Variants in TG observed in about 807,000 individuals in gnomAD.
The protein encoded by TG is thyroglobulin.
A neutral mutation model predicts 324.7 loss-of-function variants in TG; 270 were observed. The observed-to-expected ratio is 0.83, with a 90% confidence interval of 0.75 to 0.92. The LOEUF (loss-of-function observed/expected upper bound fraction) is 0.92. Among genes scored for constraint, TG ranks in the 40% least tolerant of loss-of-function variants. The pLI, the probability that TG is intolerant of heterozygous loss-of-function variation, is 0.00. For synonymous variants in TG, 1,401 were observed against 1,327.0 expected, an observed-to-expected ratio of 1.06 and a Z score of -1.21; for missense variants, 3,591 against 3,456.4, an observed-to-expected ratio of 1.04 and a Z score of -0.98.
chr8:133,001,329 G>C lies in TG; in HGVS notation c.6263-10572G>C, dbSNP rs146251679. 2.0e-5 allele frequency among the ~76,000 whole-genome samples: 3 copies of C among 152,248 alleles called. No individual in the cohort carries two copies. The East Asian group carries it at 5.8e-4, about 29-fold the overall frequency. ...TGCTCACTGAAGAGCTCAACAGTAG[G>C]TATTTGGAGGCTGAATGGAGAGGTC... On this transcript the variant is annotated intron_variant, in intron 35 of 47. Transcript: ENST00000220616.
intron 25 of TG, among the ~76,000 whole-genome samples, chr8:132,936,758 G>T (rs1272267897): frequency 6.6e-6 from 1 of 152,176 alleles, no homozygotes; most frequent in Non-Finnish European, 1.5e-5. Context: ...CGGTGGGGTG[G>T]AAAGGAAACA....
intron 34 of TG, among the ~76,000 whole-genome samples, chr8:132,976,381 C>A (rs1830177934): frequency 1.3e-5 from 2 of 152,174 alleles, no homozygotes; most frequent in Admixed American, 1.3e-4. Context: ...TTAGTCCCAC[C>A]CATGAGGGCT....
intron 22 of TG, among the ~76,000 whole-genome samples, chr8:132,927,906 G>A (rs751151420): frequency 6.6e-6 from 1 of 152,148 alleles, no homozygotes; most frequent in Non-Finnish European, 1.5e-5. Context: ...AATATAAAAA[G>A]AGATGAGAGA....
At chr8:133,092,898 C>T (rs1268688535) in intron 41 of TG, among the ~76,000 whole-genome samples, 1 of 152,214 alleles carries the variant, frequency 6.6e-6, no homozygotes, top group Non-Finnish European at 1.5e-5. Flanking sequence ...AAGAAACATT[C>T]TCTTAGCCAT....
chr8:133,040,004 A>G, intron 41 of TG: 1 of 1,550,658 alleles, frequency 6.4e-7, no homozygotes, highest in East Asian at 2.4e-5. Context: ...TCACCTGGAC[A>G]CTCTCCTCCA....
chr8:133,030,421 A>T (rs999301558), intron 41 of TG, among the ~76,000 whole-genome samples: 2 of 152,124 alleles, frequency 1.3e-5, no homozygotes, highest in Non-Finnish European at 2.9e-5. Flanking sequence ...GATGAGGAGG[A>T]GGATGATGGT....
chr8:133,073,637 T>C (rs138140869), intron 41 of TG, among the ~76,000 whole-genome samples: 1 of 152,312 alleles, frequency 6.6e-6, no homozygotes, highest in African/African-American at 2.4e-5. Flanking sequence ...CACAGCCCAG[T>C]TTAATAGACT....
chr8:132,867,099 G>T (rs760005075), intron 1 of TG, 32 bp downstream of exon 1: 8 of 1,573,056 alleles, frequency 5.1e-6, no homozygotes, highest in Non-Finnish European at 6.9e-6. Context: ...CCAGGCGGTG[G>T]GGAGGGAGCT....
intron 38 of TG, among the ~76,000 whole-genome samples, chr8:133,018,675 G>C (rs1035246475): frequency 1.3e-5 from 2 of 151,866 alleles, no homozygotes; most frequent in Admixed American, 6.6e-5. Flanking sequence ...AAGCATACTC[G>C]GAGTATCTGT....
intron 41 of TG, chr8:133,048,861 G>A (rs1459064104): frequency 3.8e-5 from 7 of 183,624 alleles, no homozygotes; most frequent in South Asian, 2.0e-4. Context: ...AATTAAACTC[G>A]CAGAATTCCA....
chr8:132,918,746 A>G (rs1820733474), intron 20 of TG, among the ~76,000 whole-genome samples: 1 of 152,212 alleles, frequency 6.6e-6, no homozygotes, highest in Non-Finnish European at 1.5e-5. Context: ...CTCTAGTCTT[A>G]TATGGAGATG....
At chr8:132,994,077 A>C (rs1310620325) in intron 35 of TG, among the ~76,000 whole-genome samples, 1 of 152,074 alleles carries the variant, frequency 6.6e-6, no homozygotes, top group East Asian at 1.9e-4. Flanking sequence ...ACTCCTGACT[A>C]CATGCTCTTA....
At chr8:133,125,587 C>CT (rs1851457917) in intron 45 of TG, among the ~76,000 whole-genome samples, 1 of 152,232 alleles carries the variant, frequency 6.6e-6, no homozygotes, top group Non-Finnish European at 1.5e-5. Flanking sequence ...GCAACCACAA[C>CT]TGAAATGGTT....
rs542720068 is a variant in TG, at chr8:132,908,269, G to A, written c.3931G>A (p.Ala1311Thr). The A allele has an allele frequency of 1.7e-5, 27 of 1,613,862 alleles. No homozygotes were observed. The highest frequency in any genetic ancestry group is 1.6e-4 in the South Asian group (15 of 91,052). The change falls in exon 18 of 48, where the codon GCG becomes ACG. Residue 1311 changes from alanine to threonine, a missense_variant. By Grantham distance (58) the Ala-to-Thr change is moderately conservative. Coordinates refer to ENST00000220616, the MANE Select transcript of TG (RefSeq NM_003235.5). ...GGGCAAGATGTGCAGTGCTGACTAC[G>A]CGGATTTGCTGCAGACTTTCCAGGT... ...PPGKMCSADY[A>T]DLLQTFQVFI...
rs1421017840 is a variant in TG at position 132,948,290 on chromosome 8, A to AGTGAGCGAGAGCGAGAGT, written c.5234-484_5234-467dup. Among the ~76,000 whole-genome samples the AGTGAGCGAGAGCGAGAGT allele has an allele frequency of 2.0e-5, 3 of 151,788 alleles. No homozygotes were observed. In the East Asian group the frequency reaches 5.8e-4, roughly 29 times the overall value. On this transcript the variant is annotated intron_variant, in intron 26 of 47. Transcript: ENST00000220616. ...GTGAGAGAGCGAGAGCAAGAGCGAG[A>AGTGAGCGAGAGCGAGAGT]GTGAGCGAGAGCGAGAGTGAGAGCG... is the stretch of plus-strand genomic sequence containing the variant.
At chr8:133,087,637 G>A (rs1443534433) in intron 41 of TG, 3 of 152,234 alleles carry the variant, frequency 2.0e-5, no homozygotes, top group Non-Finnish European at 4.4e-5. Context: ...AATTAAAAAT[G>A]TAACATTAAT....
Position 132,898,242 on chromosome 8 carries a change from A to G in TG, c.3213A>G (p.Pro1071=). 6.3e-7 allele frequency: 1 copy of G among 1,596,214 alleles called. No individual in the cohort carries two copies. Among genetic ancestry groups the G allele is most frequent in the Non-Finnish European group, 8.5e-7 (1 of 1,171,156 alleles). ...TGACTGCCCGCTCTCTGCAGATTCC[A>G]CAGTGTAAGTGAAGACTGCAGAGTT... ...GSLTARSLQI[P]QCPTTCEKSR... The change falls in exon 13 of 48, where the codon CCA becomes CCG. Residue 1071 remains proline (P), a synonymous_variant. Coordinates refer to ENST00000220616, the MANE Select transcript of TG (RefSeq NM_003235.5).
At chr8:133,090,676 CCCT>C (rs1307396370) in intron 41 of TG, among the ~76,000 whole-genome samples, 1 of 152,218 alleles carries the variant, frequency 6.6e-6, no homozygotes, top group African/African-American at 2.4e-5. Context: ...CAGGTATTTT[CCCT>C]CCATTGTCTC....
At position 132,917,039 on chromosome 8, in the gene TG, C is replaced by CCT. The variant is rs1563951836; in HGVS notation, c.4379-2337_4379-2336insCT. 7.9e-3 allele frequency among the ~76,000 whole-genome samples: 456 copies of CCT among 58,008 alleles called. 5 individuals carry two copies. Among genetic ancestry groups the CCT allele is most frequent in the African/African-American group, 0.019 (375 of 20,156 alleles). 38.1% of individuals were successfully genotyped at this position (58,008 alleles called of 152,430 possible). On this transcript the variant is annotated intron_variant, in intron 20 of 47. Transcript: ENST00000220616. ...CCTCCCTCCATGCCTCCCTCCCTCC[C>CCT]TCCCTCCTTCCTTCCTTCCTTCCTT...
Sources: gnomAD v4.1 joint callset for allele counts (sites outside exome capture counted in the v4.1 genomes callset) on GRCh38, gnomAD v4.1.1 for gene constraint, MANE v1.5 for transcripts, NCBI Gene and HGNC (gene_info 2026-07-23, HGNC 2026-07-21) for gene names.